LRRC39: variants seen among roughly 807,000 people sequenced by gnomAD.
LRRC39 encodes the protein leucine-rich repeat-containing protein 39.
In LRRC39, 35 loss-of-function variants were observed where a neutral mutation model predicts 39.7. That is an observed-to-expected ratio of 0.88 (90% CI 0.67 to 1.17). LRRC39 has a LOEUF of 1.17. Among genes scored for constraint, LRRC39 ranks in the 50% most tolerant of loss-of-function variants. The pLI is 0.00. For missense variants in LRRC39, 357 were observed against 385.8 expected (o/e 0.93, Z 0.62); for synonymous variants, 113 against 134.1 (o/e 0.84, Z 1.09).
At chr1:100,177,055 AAG>A (rs1405359372) in intron 1 of LRRC39, among the ~76,000 whole-genome samples, 8 of 152,242 alleles carry the variant, frequency 5.3e-5, no homozygotes, top group Middle Eastern at 3.2e-3. Context: ...TAAGGTAATC[AAG>A]AGAGAAGCTA....
chr1:100,171,485 C>CT (rs1006144671), intron 2 of LRRC39, among the ~76,000 whole-genome samples: 9 of 145,082 alleles, frequency 6.2e-5, no homozygotes, highest in East Asian at 2.0e-4. Context: ...AAGAAACACA[C>CT]TTTTTTTTTT....
chr1:100,177,095 G>A (rs1336042517), intron 1 of LRRC39, among the ~76,000 whole-genome samples: 2 of 152,164 alleles, frequency 1.3e-5, no homozygotes, highest in African/African-American at 4.8e-5. Flanking sequence ...CTATGGCAGT[G>A]TAAGGGAACT....
At chr1:100,160,709 C>T (rs1658816286) in intron 3 of LRRC39, 138 bp from the exon 4 acceptor site, 1 of 545,166 alleles carries the variant, frequency 1.8e-6, no homozygotes, top group South Asian at 3.2e-5. Context: ...ACTGCAACCT[C>T]TGCCTTCCAG....
At chr1:100,149,510 ATACT>A in intron 9 of LRRC39, 2 of 1,359,950 alleles carry the variant, frequency 1.5e-6, no homozygotes, top group African/African-American at 1.5e-5. Flanking sequence ...TTCCAAAAAG[ATACT>A]TACAAACATA....
chr1:100,163,631 C>T (rs1659039983), intron 3 of LRRC39, among the ~76,000 whole-genome samples: 1 of 151,540 alleles, frequency 6.6e-6, no homozygotes, highest in South Asian at 2.1e-4. Context: ...AAGGCTGTCT[C>T]CATGTTGCCC....
At chr1:100,165,928 G>A (rs1430461057) in intron 3 of LRRC39, among the ~76,000 whole-genome samples, 1 of 146,452 alleles carries the variant, frequency 6.8e-6, no homozygotes, top group East Asian at 2.0e-4. Flanking sequence ...AGGCTGGAGT[G>A]CAATGGTGCA....
chr1:100,153,544 T>C (rs1043691659), intron 8 of LRRC39, among the ~76,000 whole-genome samples: 1 of 152,104 alleles, frequency 6.6e-6, no homozygotes, highest in Non-Finnish European at 1.5e-5. Flanking sequence ...ATGTAAATTA[T>C]ACATCTGACA....
intron 1 of LRRC39, among the ~76,000 whole-genome samples, chr1:100,176,524 T>C (rs1381548987): frequency 6.6e-6 from 1 of 152,178 alleles, no homozygotes; most frequent in Non-Finnish European, 1.5e-5. Context: ...ATTGGAGATA[T>C]GGTGAAAAGA....
At chr1:100,179,471 G>A (rs1660151734), upstream of LRRC39, among the ~76,000 whole-genome samples, 1 of 105,500 alleles carries the variant, frequency 9.5e-6, no homozygotes, top group Admixed American at 1.6e-4. Flanking sequence ...AGACCAGCCT[G>A]AGCAACAGAG....
At chr1:100,154,565 GAA>G (rs538095377) in intron 8 of LRRC39, among the ~76,000 whole-genome samples, 1 of 152,108 alleles carries the variant, frequency 6.6e-6, no homozygotes, top group Non-Finnish European at 1.5e-5. Flanking sequence ...AATACTGTGA[GAA>G]AAAAAGTCTT....
chr1:100,166,387 A>G (rs1397851654), intron 3 of LRRC39, among the ~76,000 whole-genome samples: 1 of 152,204 alleles, frequency 6.6e-6, no homozygotes, highest in African/African-American at 2.4e-5. Context: ...GGAACTTCCT[A>G]GAGACTTGTT....
At chr1:100,161,476 AT>A (rs1557926009) in intron 3 of LRRC39, among the ~76,000 whole-genome samples, 1 of 152,090 alleles carries the variant, frequency 6.6e-6, no homozygotes, top group African/African-American at 2.4e-5. Context: ...GATCTACCAC[AT>A]TTTGTTTACC....
intron 2 of LRRC39, among the ~76,000 whole-genome samples, chr1:100,170,314 A>G (rs1310267078): frequency 1.3e-5 from 2 of 152,250 alleles, no homozygotes; most frequent in African/African-American, 4.8e-5. Flanking sequence ...GGCCATAAAA[A>G]TGAATGAAGT....
chr1:100,156,994 A>T (rs893469218), intron 6 of LRRC39, among the ~76,000 whole-genome samples: 1 of 152,166 alleles, frequency 6.6e-6, no homozygotes, highest in African/African-American at 2.4e-5. Flanking sequence ...AAAAAAAAAG[A>T]CTGGTTAATA....
intron 3 of LRRC39, among the ~76,000 whole-genome samples, 166 bp downstream of exon 3, chr1:100,168,238 T>C (rs1659377028): frequency 6.6e-6 from 1 of 152,220 alleles, no homozygotes; most frequent in Non-Finnish European, 1.5e-5. Flanking sequence ...TCCTATCGCA[T>C]AGACAAATTT....
chr1:100,168,964 C>A (rs964040014), intron 2 of LRRC39, among the ~76,000 whole-genome samples: 1 of 151,844 alleles, frequency 6.6e-6, no homozygotes, highest in Non-Finnish European at 1.5e-5. Flanking sequence ...CTTGAGATAT[C>A]AATCTAATCA....
chr1:100,152,602 G>T, intron 8 of LRRC39, 78 bp from the exon 9 acceptor site: 3 of 1,446,028 alleles, frequency 2.1e-6, no homozygotes, highest in Non-Finnish European at 1.9e-6. Flanking sequence ...AAGGTCAAAT[G>T]ATAATATACT....
chr1:100,158,779 G>A (rs1327732068), intron 5 of LRRC39, among the ~76,000 whole-genome samples: 1 of 151,692 alleles, frequency 6.6e-6, no homozygotes, highest in Non-Finnish European at 1.5e-5. Flanking sequence ...CAAATTCGGA[G>A]TTCTTAGTGT....
intron 7 of LRRC39, 120 bp from the exon 8 acceptor site, chr1:100,155,323 T>A: frequency 1.1e-6 from 1 of 890,124 alleles, no homozygotes; most frequent in Non-Finnish European, 1.6e-6. Flanking sequence ...GGTCTCAAAC[T>A]CCTGAGCTCA....
Sources: gnomAD v4.1 joint callset for allele counts (sites outside exome capture counted in the v4.1 genomes callset) on GRCh38, gnomAD v4.1.1 for gene constraint, MANE v1.5 for transcripts, NCBI Gene and HGNC (gene_info 2026-07-23, HGNC 2026-07-21) for gene names.